Variants in SLC26A7 observed in about 807,000 individuals in gnomAD.
SLC26A7 encodes the protein anion exchange transporter.
A neutral mutation model predicts 82.5 loss-of-function variants in SLC26A7; 59 were observed. The observed-to-expected ratio is 0.72, with a 90% CI of 0.58 to 0.89. SLC26A7 has a LOEUF of 0.89. Ranked by LOEUF, SLC26A7 falls within the 40% of genes least tolerant of loss-of-function variation. SLC26A7 has a pLI of 0.00. For missense variants in SLC26A7, 820 were observed against 793.0 expected, an observed-to-expected ratio of 1.03 and a Z score of -0.41; for synonymous variants, 271 against 274.3, an observed-to-expected ratio of 0.99 and a Z score of 0.12.
intron 2 of SLC26A7, among the ~76,000 whole-genome samples, chr8:91,279,302 G>T (rs1283585926): frequency 4.0e-5 from 6 of 151,488 alleles, no homozygotes; most frequent in Non-Finnish European, 7.4e-5. Context: ...ATTTTCTTTG[G>T]ATATATGCCC....
chr8:91,225,055 C>A (rs1229973635), intron 2 of SLC26A7, among the ~76,000 whole-genome samples: 1 of 152,190 alleles, frequency 6.6e-6, no homozygotes, highest in East Asian at 1.9e-4. Context: ...AAAAGCGCAG[C>A]CTGGAGCTAT....
chr8:91,385,564 C>G (rs779788985), intron 15 of SLC26A7, among the ~76,000 whole-genome samples: 1 of 152,142 alleles, frequency 6.6e-6, no homozygotes, highest in Non-Finnish European at 1.5e-5. Context: ...AAGGCATAAG[C>G]CTGTTGTTTT....
In SLC26A7 at chr8:91,278,288, G is replaced by A. The variant is rs537447474; in HGVS notation, c.194-10848G>A. ...GGAAGTCAGACAGAGCTCTTGCAGA[G>A]CTGCAAGAGACGGGTGAGGCCAAGA... On this transcript the variant is annotated intron_variant, in intron 2 of 18. Transcript: ENST00000276609. 1.1e-3 allele frequency among the ~76,000 whole-genome samples: 169 copies of A among 151,998 alleles called. 1 individual carries two copies. The highest frequency in any genetic ancestry group is 6.8e-3 in the Middle Eastern group (2 of 294).
chr8:91,220,397 A>AG (rs1810140687), intron 2 of SLC26A7, among the ~76,000 whole-genome samples: 1 of 151,972 alleles, frequency 6.6e-6, no homozygotes, highest in Non-Finnish European at 1.5e-5. Flanking sequence ...CTAAAAAAAA[A>AG]AAACTGGGAT....
At chr8:91,340,264 G>T (rs1327229630) in intron 7 of SLC26A7, 140 bp from the exon 8 acceptor site, 3 of 1,024,246 alleles carry the variant, frequency 2.9e-6, no homozygotes, top group South Asian at 1.7e-5. Context: ...GCTTCTAAGG[G>T]CAAGGCTGCT....
At position 91,323,390 on chromosome 8, in the gene SLC26A7, G is replaced by A. The variant is rs916528294; in HGVS notation, c.642+5010G>A. Among the ~76,000 whole-genome samples the A allele has an allele frequency of 3.3e-5, 5 of 152,232 alleles. No homozygotes were observed. In the South Asian group the frequency reaches 6.2e-4, roughly 19 times the overall value. On this transcript the variant is annotated intron_variant, in intron 5 of 18. Coordinates refer to ENST00000276609, the MANE Select transcript of SLC26A7 (RefSeq NM_052832.4). ...TATTTTTGCAACTCAACCATCGTAGGCCAAACTCTCTCCATCCCTCACAAT... is the reference window on the plus strand; with the variant it reads ...TATTTTTGCAACTCAACCATCGTAGACCAAACTCTCTCCATCCCTCACAAT...
chr8:91,273,676 G>A (rs1247706933), intron 2 of SLC26A7, among the ~76,000 whole-genome samples: 5 of 152,092 alleles, frequency 3.3e-5, no homozygotes, highest in African/African-American at 1.2e-4. Context: ...AAATAACTTC[G>A]TGACTTTTCA....
Position 91,366,562 on chromosome 8 carries a change from GT to G in SLC26A7, c.1489-13del, listed in dbSNP as rs750938141. 27 of 1,608,134 alleles carry G rather than the reference GT, an allele frequency of 1.7e-5. No individual in the cohort carries two copies. In the South Asian group the frequency reaches 3.0e-4, roughly 18 times the overall value. On this transcript the variant is annotated splice_polypyrimidine_tract_variant and intron_variant, in intron 13 of 18. Transcript: ENST00000276609. ...ATTTTCTATTTAGAGTTCTGAATCT[GT>G]TTTTCTCCTCCAAAAGGAAACCCTG...
rs1554600120 is a variant in SLC26A7, at chr8:91,239,395, AATAT to A, written c.-33-10211_-33-10208del. Among the ~76,000 whole-genome samples, 79 of 94,876 alleles carry A rather than the reference AATAT, an allele frequency of 8.3e-4. 1 individual carries two copies. The highest frequency in any genetic ancestry group is 2.5e-3 in the African/African-American group (71 of 28,386). The allele number at this position is 94,876 out of a possible 152,430, so 62.2% of individuals were successfully genotyped here. A position where few individuals can be genotyped will look rare whatever the true frequency, so the allele number is the denominator to read the frequency against. On this transcript the variant is annotated intron_variant, in intron 2 of 5. Coordinates refer to the SLC26A7 transcript ENST00000522862. ...CGTCTCAAAAAAAAAAAAAAAAAAA[AATAT>A]ATATATATATATGTATATGTATATA...
chr8:91,280,533 T>A (rs1811542384), intron 2 of SLC26A7, among the ~76,000 whole-genome samples: 1 of 152,158 alleles, frequency 6.6e-6, no homozygotes, highest in Non-Finnish European at 1.5e-5. Context: ...CGTGCTCTAT[T>A]CCCCAGGAAG....
At chr8:91,353,709 T>A (rs894907025) in intron 11 of SLC26A7, among the ~76,000 whole-genome samples, 2 of 152,176 alleles carry the variant, frequency 1.3e-5, no homozygotes, top group Admixed American at 1.3e-4. Flanking sequence ...TATTTTCTCT[T>A]CTTCAGATCA....
intron 1 of SLC26A7, among the ~76,000 whole-genome samples, chr8:91,210,433 G>A (rs1809888030): frequency 6.6e-6 from 1 of 152,010 alleles, no homozygotes; most frequent in South Asian, 2.1e-4. Context: ...TTGAAACACT[G>A]TCATGTGAAA....
rs1812686584 is a variant in SLC26A7, at chr8:91,317,971, A to G, written c.478-245A>G. Among the ~76,000 whole-genome samples, 7 of 147,200 alleles carry G rather than the reference A, an allele frequency of 4.8e-5. No individual in the cohort carries two copies. In the South Asian group the frequency reaches 1.5e-3, roughly 31 times the overall value. ...ATATATATATATAAAATAAAAATAA[A>G]AATAAACAAAAAAAATAAAATAAAA... On this transcript the variant is annotated intron_variant, in intron 4 of 18. Transcript: ENST00000276609.
chr8:91,310,733 A>G (rs2130798223), intron 4 of SLC26A7, among the ~76,000 whole-genome samples: 1 of 152,244 alleles, frequency 6.6e-6, no homozygotes, highest in South Asian at 2.1e-4. Flanking sequence ...CACACCGCAC[A>G]TGCTCCCCTC....
intron 1 of SLC26A7, among the ~76,000 whole-genome samples, chr8:91,211,587 A>G (rs763230766): frequency 7.1e-6 from 1 of 140,940 alleles, no homozygotes; most frequent in African/African-American, 2.5e-5. Context: ...GTAGACAGCA[A>G]TTATACAAAT....
At chr8:91,237,213 T>A (rs1361228236) in intron 2 of SLC26A7, among the ~76,000 whole-genome samples, 1 of 152,230 alleles carries the variant, frequency 6.6e-6, no homozygotes, top group Non-Finnish European at 1.5e-5. Context: ...GATAAATGAC[T>A]TTTTTACTGT....
chr8:91,246,617 T>A (rs1386739802), upstream of SLC26A7, among the ~76,000 whole-genome samples: 1 of 151,980 alleles, frequency 6.6e-6, no homozygotes, highest in East Asian at 1.9e-4. Context: ...GGAGAATCGC[T>A]TGAACCTGGA....
intron 2 of SLC26A7, among the ~76,000 whole-genome samples, chr8:91,281,977 C>A (rs879386948): frequency 6.6e-6 from 1 of 152,148 alleles, no homozygotes; most frequent in African/African-American, 2.4e-5. Flanking sequence ...TTTAGTCACA[C>A]TTATTGAGGT....
At chr8:91,294,392 T>A (rs1811958697) in intron 3 of SLC26A7, among the ~76,000 whole-genome samples, 1 of 152,110 alleles carries the variant, frequency 6.6e-6, no homozygotes, top group African/African-American at 2.4e-5. Flanking sequence ...TTTTTCTGAA[T>A]CCATAGCATG....
Sources: gnomAD v4.1 joint callset for allele counts (sites outside exome capture counted in the v4.1 genomes callset) on GRCh38, gnomAD v4.1.1 for gene constraint, MANE v1.5 for transcripts, NCBI Gene and HGNC (gene_info 2026-07-23, HGNC 2026-07-21) for gene names.